ASTN2: variants seen among roughly 807,000 people sequenced by gnomAD.
The protein encoded by ASTN2 is astrotactin 2.
A neutral mutation model predicts 139.8 loss-of-function variants in ASTN2; 54 were observed. That is an observed-to-expected ratio of 0.39 (90% CI 0.31 to 0.48). ASTN2 has a LOEUF of 0.48. ASTN2 is among the 20% of genes least tolerant of loss of function. The pLI is 0.95. For missense variants in ASTN2, 1,565 were observed against 1,725.1 expected (o/e 0.91, Z 1.64); for synonymous variants, 756 against 719.5 (o/e 1.05, Z -0.81).
At chr9:116,975,951 C>A (rs191821698) in intron 9 of ASTN2, among the ~76,000 whole-genome samples, 163 bp downstream of exon 9, 63 of 152,302 alleles carry the variant, frequency 4.1e-4, no homozygotes, top group African/African-American at 1.4e-3. Flanking sequence ...ATTCCCATAG[C>A]AACCTGCGCC....
At chr9:116,809,005 G>A (rs139860358) in intron 12 of ASTN2, among the ~76,000 whole-genome samples, 131 of 152,016 alleles carry the variant, frequency 8.6e-4, no homozygotes, top group African/African-American at 3.1e-3. Flanking sequence ...TTTTCTTTGT[G>A]TTGGTTTATA....
intron 5 of ASTN2, among the ~76,000 whole-genome samples, chr9:117,063,639 A>C (rs1839362476): frequency 6.6e-6 from 1 of 152,140 alleles, no homozygotes; most frequent in Admixed American, 6.5e-5. Context: ...AGACTAATAC[A>C]CCTGGTTATC....
intron 1 of ASTN2, among the ~76,000 whole-genome samples, chr9:117,407,886 G>A (rs1831042222): frequency 6.6e-6 from 1 of 152,180 alleles, no homozygotes; most frequent in Admixed American, 6.5e-5. Flanking sequence ...GAGAACGTGG[G>A]AGAGTATCAG....
intron 19 of ASTN2, among the ~76,000 whole-genome samples, chr9:116,594,387 C>T (rs967688077): frequency 6.6e-6 from 1 of 152,148 alleles, no homozygotes; most frequent in Non-Finnish European, 1.5e-5. Context: ...TGGAATTTCC[C>T]CAGTAATTAG....
chr9:117,248,080 G>A (rs948365035), intron 2 of ASTN2, among the ~76,000 whole-genome samples: 1 of 152,176 alleles, frequency 6.6e-6, no homozygotes, highest in African/African-American at 2.4e-5. Context: ...ACCGAACACT[G>A]TCATGTGTCA....
At chr9:117,126,501 G>T (rs72760139) in intron 4 of ASTN2, among the ~76,000 whole-genome samples, 1,611 of 152,310 alleles carry the variant, frequency 0.011, 18 homozygotes, top group Non-Finnish European at 0.017. Flanking sequence ...GAGCACAAAA[G>T]AAATGGCCAA....
At chr9:117,158,439 G>A (rs368938267) in intron 3 of ASTN2, among the ~76,000 whole-genome samples, 72 of 152,138 alleles carry the variant, frequency 4.7e-4, no homozygotes, top group Middle Eastern at 3.4e-3. Context: ...ACTATATCCC[G>A]ATATATCCAG....
chr9:116,990,698 T>C (rs1248768788), intron 7 of ASTN2, among the ~76,000 whole-genome samples: 1 of 152,236 alleles, frequency 6.6e-6, no homozygotes, highest in African/African-American at 2.4e-5. Context: ...AATGATTTAA[T>C]TGCAGAACAG....
rs73520264 is a variant in ASTN2, at chr9:116,911,166, C to T, written c.1890-47433G>A. Among the ~76,000 whole-genome samples the T allele has an allele frequency of 4.1e-3, 629 of 152,282 alleles. 5 individuals are homozygous for T. Among genetic ancestry groups the T allele is most frequent in the African/African-American group, 0.014 (578 of 41,536 alleles). On this transcript the variant is annotated intron_variant, in intron 10 of 22. Coordinates refer to ENST00000313400, the MANE Select transcript of ASTN2 (RefSeq NM_001365068.1). ...TCGCAAGCGAGTAAGATCCATCCCACGAAATAATGATCCTGATGGCTAAGA... is the reference window on the plus strand; with the variant it reads ...TCGCAAGCGAGTAAGATCCATCCCATGAAATAATGATCCTGATGGCTAAGA...
intron 1 of ASTN2, among the ~76,000 whole-genome samples, chr9:117,360,048 C>T (rs1266781084): frequency 1.3e-5 from 2 of 152,102 alleles, no homozygotes; most frequent in African/African-American, 4.8e-5. Flanking sequence ...GTAGTAGAAG[C>T]CAATGAAGAT....
At chr9:116,498,819 A>T (rs866462900) in intron 19 of ASTN2, among the ~76,000 whole-genome samples, 1 of 152,212 alleles carries the variant, frequency 6.6e-6, no homozygotes, top group African/African-American at 2.4e-5. Flanking sequence ...GGGCACAAAA[A>T]ATGTGATAGT....
rs554444345 is a variant in ASTN2, at chr9:116,587,360, A to G, written c.3355+30964T>C. Among the ~76,000 whole-genome samples the G allele has an allele frequency of 9.2e-3, 1,394 of 151,228 alleles. 26 individuals are homozygous for G. Among genetic ancestry groups the G allele is most frequent in the African/African-American group, 0.033 (1,348 of 41,158 alleles). ...CATCTCAAATTTAAAAAAAAAAAAAAAAAAAAGCACACTGTTATAGAAGAT... is the reference window on the plus strand; with the variant it reads ...CATCTCAAATTTAAAAAAAAAAAAAGAAAAAAGCACACTGTTATAGAAGAT... On this transcript the variant is annotated intron_variant, in intron 19 of 22. Transcript: ENST00000313400.
At chr9:116,892,996 C>G (rs1444847053) in intron 10 of ASTN2, among the ~76,000 whole-genome samples, 2 of 152,068 alleles carry the variant, frequency 1.3e-5, no homozygotes, top group Non-Finnish European at 2.9e-5. Flanking sequence ...CACTTACACC[C>G]CTTCTCCATT....
chr9:116,470,842 T>C (rs1210908469), intron 20 of ASTN2, among the ~76,000 whole-genome samples: 1 of 152,184 alleles, frequency 6.6e-6, no homozygotes, highest in East Asian at 1.9e-4. Context: ...AAAAATGGCA[T>C]ATTTCATAAT....
intron 19 of ASTN2, chr9:116,612,860 C>A: frequency 6.8e-6 from 1 of 146,724 alleles, no homozygotes; most frequent in Non-Finnish European, 1.5e-5. Flanking sequence ...CAAGAAATAA[C>A]TAAGATGAGA....
chr9:117,231,869 C>T (rs1832901961), intron 2 of ASTN2, among the ~76,000 whole-genome samples: 1 of 152,156 alleles, frequency 6.6e-6, no homozygotes, highest in Admixed American at 6.5e-5. Flanking sequence ...TGCTCAGAAT[C>T]TTCTTCCTTG....
chr9:116,547,758 T>C (rs1405951615), intron 19 of ASTN2: 4 of 152,184 alleles, frequency 2.6e-5, no homozygotes, highest in Non-Finnish European at 5.9e-5. Flanking sequence ...ATAACCAGTG[T>C]CTGAGAGGAG....
At chr9:117,402,466 CTA>C (rs1830861273) in intron 1 of ASTN2, among the ~76,000 whole-genome samples, 1 of 152,096 alleles carries the variant, frequency 6.6e-6, no homozygotes, top group Non-Finnish European at 1.5e-5. Flanking sequence ...AAAAACTAGG[CTA>C]ATAGTTTGAT....
Position 116,933,264 on chromosome 9 carries a change from T to A in ASTN2, c.1889+41944A>T, listed in dbSNP as rs1427895338. 2.0e-5 allele frequency among the ~76,000 whole-genome samples: 3 copies of A among 152,162 alleles called. No homozygotes were observed. In the East Asian group the frequency reaches 5.8e-4, roughly 29 times the overall value. ...CAAATCGAGCACCCCTCCTGGATTCTTCTTATTACCTACTCTTCATACCTC... is the reference window on the plus strand; with the variant it reads ...CAAATCGAGCACCCCTCCTGGATTCATCTTATTACCTACTCTTCATACCTC... On this transcript the variant is annotated intron_variant, in intron 10 of 22. Coordinates refer to ENST00000313400, the MANE Select transcript of ASTN2 (RefSeq NM_001365068.1).
Sources: gnomAD v4.1 joint callset for allele counts (sites outside exome capture counted in the v4.1 genomes callset) on GRCh38, gnomAD v4.1.1 for gene constraint, MANE v1.5 for transcripts, NCBI Gene and HGNC (gene_info 2026-07-23, HGNC 2026-07-21) for gene names.